The following KLRG1 variants were observed in gnomAD, a reference collection of about 807,000 sequenced individuals.
KLRG1 encodes the protein killer cell lectin like receptor G1, also known as killer cell lectin-like receptor subfamily G member 1.
KLRG1 carries 16 observed loss-of-function variants against 21.8 expected under a neutral mutation model. That is an observed-to-expected ratio of 0.73 (90% CI 0.50 to 1.11). The LOEUF is 1.11. KLRG1 is among the 50% of genes most tolerant of loss of function. The pLI is 0.00. For missense variants in KLRG1, 173 were observed against 218.3 expected (o/e 0.79, Z 1.31); for synonymous variants, 69 against 75.9 (o/e 0.91, Z 0.47).
chr12:9,086,613 C>A, the KLRG1 span, among the ~76,000 whole-genome samples: 4 of 152,102 alleles, frequency 2.6e-5, no homozygotes, highest in Non-Finnish European at 4.4e-5. Flanking sequence ...AAAACTCTCA[C>A]CAAATTAGAT....
the KLRG1 span, chr12:9,027,883 C>A: frequency 1.1e-6 from 1 of 889,968 alleles, no homozygotes; most frequent in Non-Finnish European, 1.9e-6. Flanking sequence ...TGACCACTAC[C>A]AAAGTTTCCA....
the KLRG1 span, among the ~76,000 whole-genome samples, chr12:9,034,921 G>A: frequency 6.6e-6 from 1 of 152,104 alleles, no homozygotes; most frequent in East Asian, 1.9e-4. Flanking sequence ...ACTCCCAGTG[G>A]GACAAGATAA....
the KLRG1 span, among the ~76,000 whole-genome samples, chr12:9,163,240 C>A: frequency 6.8e-6 from 1 of 147,584 alleles, no homozygotes; most frequent in Non-Finnish European, 1.5e-5. Flanking sequence ...ATCACGAGGT[C>A]AGGAGATTGA....
At chr12:9,065,480 G>A in the KLRG1 span, among the ~76,000 whole-genome samples, 69 of 152,278 alleles carry the variant, frequency 4.5e-4, no homozygotes, top group African/African-American at 1.6e-3. Flanking sequence ...CTGGCCGAGC[G>A]TGCACACGCT....
At chr12:9,110,815 T>G in the KLRG1 span, among the ~76,000 whole-genome samples, 2 of 152,132 alleles carry the variant, frequency 1.3e-5, no homozygotes, top group African/African-American at 4.8e-5. Flanking sequence ...GAACTTTTCA[T>G]TAATCTATTT....
intron 1 of KLRG1, among the ~76,000 whole-genome samples, chr12:8,967,442 C>A (rs1946494879): frequency 6.6e-6 from 1 of 152,122 alleles, no homozygotes; most frequent in Admixed American, 6.5e-5. Flanking sequence ...AATAACCAGG[C>A]TGGGCCAGGT....
At chr12:9,148,207 A>T in the KLRG1 span, among the ~76,000 whole-genome samples, 1 of 152,182 alleles carries the variant, frequency 6.6e-6, no homozygotes, top group African/African-American at 2.4e-5. Flanking sequence ...TAACATGTAC[A>T]TTACTTCATA....
At chr12:9,109,525 C>G in the KLRG1 span, 1 of 744,464 alleles carries the variant, frequency 1.3e-6, no homozygotes, top group African/African-American at 1.7e-5. Flanking sequence ...GGTAGCTCTG[C>G]TCTCCAATCT....
chr12:9,145,631 C>T, the KLRG1 span, among the ~76,000 whole-genome samples: 29 of 152,262 alleles, frequency 1.9e-4, no homozygotes, highest in African/African-American at 6.7e-4. Flanking sequence ...TTTGCCTTTG[C>T]CAATCAGTTT....
the KLRG1 span, chr12:9,074,687 G>A: frequency 6.2e-7 from 1 of 1,614,038 alleles, no homozygotes; most frequent in Non-Finnish European, 8.5e-7. Flanking sequence ...GAGCACATAG[G>A]ATGTCATCTC....
At chr12:9,087,818 A>G in the KLRG1 span, among the ~76,000 whole-genome samples, 28 of 152,080 alleles carry the variant, frequency 1.8e-4, no homozygotes, top group African/African-American at 6.5e-4. Flanking sequence ...ACCAAACAAA[A>G]CTATGCATAT....
intron 1 of KLRG1, among the ~76,000 whole-genome samples, chr12:8,965,386 G>C (rs767094918): frequency 1.6e-4 from 24 of 152,272 alleles, no homozygotes; most frequent in Admixed American, 1.2e-3. Flanking sequence ...AGGAAAAGAG[G>C]AAGTCAAATT....
chr12:9,202,402 A>C, the KLRG1 span: 1 of 1,614,114 alleles, frequency 6.2e-7, no homozygotes, highest in Non-Finnish European at 8.5e-7. Flanking sequence ...TAAGATTCAG[A>C]CATGATAAAG....
At chr12:9,049,755 A>G in the KLRG1 span, among the ~76,000 whole-genome samples, 23 of 152,290 alleles carry the variant, frequency 1.5e-4, no homozygotes, top group African/African-American at 5.5e-4. Flanking sequence ...ACTGTATATG[A>G]AAGGGGCATC....
At chr12:9,183,348 A>C in the KLRG1 span, among the ~76,000 whole-genome samples, 1 of 152,200 alleles carries the variant, frequency 6.6e-6, no homozygotes, top group South Asian at 2.1e-4. Context: ...TCACTATAGT[A>C]GTCATTTTAT....
the KLRG1 span, among the ~76,000 whole-genome samples, chr12:9,024,016 G>T: frequency 7.8e-6 from 1 of 128,068 alleles, no homozygotes; most frequent in East Asian, 2.2e-4. Context: ...GTGAACACAT[G>T]GATTTTTTTT....
chr12:9,065,863 G>A, the KLRG1 span: 3 of 152,284 alleles, frequency 2.0e-5, no homozygotes, highest in African/African-American at 7.2e-5. Flanking sequence ...GAAGACAATG[G>A]ATGACCTACC....
intron 1 of KLRG1, among the ~76,000 whole-genome samples, chr12:8,956,854 T>A: frequency 6.6e-6 from 1 of 152,228 alleles, no homozygotes; most frequent in Non-Finnish European, 1.5e-5. Flanking sequence ...GTATACCTGA[T>A]CCAGCCACAG....
the KLRG1 span, chr12:9,106,206 G>T: frequency 2.2e-6 from 3 of 1,333,878 alleles, no homozygotes; most frequent in Non-Finnish European, 3.2e-6. Flanking sequence ...ACAGTACATG[G>T]GTTGATGAGT....
Sources: gnomAD v4.1 joint callset for allele counts (sites outside exome capture counted in the v4.1 genomes callset) on GRCh38, gnomAD v4.1.1 for gene constraint, MANE v1.5 for transcripts, NCBI Gene and HGNC (gene_info 2026-07-23, HGNC 2026-07-21) for gene names.